Variants in RBFOX1 observed in about 807,000 individuals in gnomAD.
RBFOX1 encodes RNA binding protein fox-1 homolog 1.
Under a neutral mutation model 57.7 loss-of-function variants are expected in RBFOX1, and 8 were observed. The observed-to-expected ratio is 0.14, with a 90% CI of 0.08 to 0.25. The LOEUF is 0.25. Among genes scored for constraint, RBFOX1 ranks in the 10% least tolerant of loss-of-function variants. The pLI is 1.00. For synonymous variants in RBFOX1, 326 were observed against 222.4 expected (o/e 1.47, Z -4.15); for missense variants, 611 against 548.5 (o/e 1.11, Z -1.14).
chr16:7,172,715 G>C (rs183554589), intron 4 of RBFOX1, among the ~76,000 whole-genome samples: 17 of 152,300 alleles, frequency 1.1e-4, no homozygotes, highest in Admixed American at 9.8e-4. Flanking sequence ...GACACACAAT[G>C]ATGAGTTCAC....
chr16:7,069,989 G>T (rs900726083), intron 4 of RBFOX1, among the ~76,000 whole-genome samples: 1 of 152,160 alleles, frequency 6.6e-6, no homozygotes. Flanking sequence ...AAGGTTTTCT[G>T]ATCAGTGGAT....
chr16:5,250,666 C>T (rs1360949156), intron 1 of RBFOX1, among the ~76,000 whole-genome samples: 1 of 151,818 alleles, frequency 6.6e-6, no homozygotes, highest in Non-Finnish European at 1.5e-5. Context: ...GCTTTTCAGG[C>T]AGCGTGTCTT....
At chr16:6,912,345 A>C (rs1203620724) in intron 3 of RBFOX1, among the ~76,000 whole-genome samples, 1 of 152,126 alleles carries the variant, frequency 6.6e-6, no homozygotes, top group Non-Finnish European at 1.5e-5. Flanking sequence ...TTACACTTCT[A>C]GCAAGTTCCC....
chr16:5,903,863 CTTGG>C (rs1331918276), intron 4 of RBFOX1, among the ~76,000 whole-genome samples: 1 of 152,112 alleles, frequency 6.6e-6, no homozygotes, highest in Non-Finnish European at 1.5e-5. Context: ...ATGCGGGGGC[CTTGG>C]TTGGTGCAAG....
chr16:6,908,483 C>T (rs749408318), intron 3 of RBFOX1, among the ~76,000 whole-genome samples: 6 of 152,154 alleles, frequency 3.9e-5, no homozygotes, highest in Admixed American at 6.5e-5. Flanking sequence ...CATGCCCAAT[C>T]CTCTAGGAAG....
intron 2 of RBFOX1, among the ~76,000 whole-genome samples, chr16:6,432,445 G>A (rs2094125761): frequency 6.6e-6 from 1 of 151,874 alleles, no homozygotes; most frequent in African/African-American, 2.4e-5. Flanking sequence ...GGCAAGGCGG[G>A]CGGATCACCT....
At chr16:5,533,783 T>C (rs937992077) in intron 2 of RBFOX1, among the ~76,000 whole-genome samples, 2 of 152,118 alleles carry the variant, frequency 1.3e-5, no homozygotes, top group African/African-American at 2.4e-5. Flanking sequence ...TCCCTGAGTG[T>C]GATGTGGTCT....
At chr16:7,271,286 C>T (rs1001997973) in intron 4 of RBFOX1, among the ~76,000 whole-genome samples, 4 of 151,830 alleles carry the variant, frequency 2.6e-5, no homozygotes, top group African/African-American at 4.8e-5. Context: ...AGAACATTCA[C>T]AGGCATCTTC....
chr16:7,471,572 C>A (rs2061560869), intron 4 of RBFOX1, among the ~76,000 whole-genome samples: 1 of 152,248 alleles, frequency 6.6e-6, no homozygotes, highest in East Asian at 1.9e-4. Flanking sequence ...AAAATGAGTC[C>A]TGCTATTCCC....
At chr16:7,457,110 C>G (rs985896324) in intron 4 of RBFOX1, among the ~76,000 whole-genome samples, 4 of 151,984 alleles carry the variant, frequency 2.6e-5, no homozygotes, top group Non-Finnish European at 5.9e-5. Context: ...TGGTCTCGAA[C>G]TCCTGACCTC....
intron 1 of RBFOX1, among the ~76,000 whole-genome samples, chr16:5,424,951 C>T (rs12929533): frequency 0.074 from 5,872 of 79,574 alleles, 591 homozygotes; most frequent in Middle Eastern, 0.18. Flanking sequence ...CTTCTTTCTT[C>T]CTTTGTTTCT....
At chr16:7,297,870 G>A (rs929491939) in intron 4 of RBFOX1, among the ~76,000 whole-genome samples, 13 of 151,838 alleles carry the variant, frequency 8.6e-5, no homozygotes, top group Admixed American at 4.6e-4. Flanking sequence ...GCATTTATTG[G>A]ATTGATTTAT....
intron 3 of RBFOX1, among the ~76,000 whole-genome samples, chr16:6,767,521 TA>T (rs2077508183): frequency 6.6e-6 from 1 of 152,178 alleles, no homozygotes; most frequent in South Asian, 2.1e-4. Context: ...TGTTTTAATT[TA>T]AAACCTCACC....
At chr16:7,071,375 G>C (rs2057299068) in intron 4 of RBFOX1, among the ~76,000 whole-genome samples, 1 of 152,124 alleles carries the variant, frequency 6.6e-6, no homozygotes, top group Non-Finnish European at 1.5e-5. Flanking sequence ...TTAGGTGTTA[G>C]AAAAGCGCAG....
At chr16:6,268,696 G>T (rs751768743) in intron 1 of RBFOX1, among the ~76,000 whole-genome samples, 1 of 152,176 alleles carries the variant, frequency 6.6e-6, no homozygotes, top group East Asian at 1.9e-4. Context: ...AAAGAGTCAG[G>T]TGTTTGTTCT....
At chr16:6,884,581 A>C (rs1318552041) in intron 3 of RBFOX1, among the ~76,000 whole-genome samples, 1 of 152,166 alleles carries the variant, frequency 6.6e-6, no homozygotes, top group Non-Finnish European at 1.5e-5. Context: ...TATTACCCCC[A>C]TTTTGAAGAG....
intron 4 of RBFOX1, among the ~76,000 whole-genome samples, chr16:7,477,531 C>A (rs1209883233): frequency 5.3e-5 from 8 of 152,162 alleles, no homozygotes; most frequent in African/African-American, 1.4e-4. Flanking sequence ...CTGGCTGACT[C>A]CCCAAAGAGA....
At chr16:5,291,740 C>A (rs1401135014) in intron 1 of RBFOX1, among the ~76,000 whole-genome samples, 1 of 133,970 alleles carries the variant, frequency 7.5e-6, no homozygotes, top group African/African-American at 2.7e-5. Context: ...TGGAGGTGAT[C>A]GTGGCTTGGT....
At chr16:7,125,301 A>G (rs1000493841) in intron 4 of RBFOX1, among the ~76,000 whole-genome samples, 2 of 152,150 alleles carry the variant, frequency 1.3e-5, no homozygotes, top group Non-Finnish European at 2.9e-5. Flanking sequence ...TGCAGTGGGC[A>G]TAGAAATCCA....
Sources: gnomAD v4.1 joint callset for allele counts (sites outside exome capture counted in the v4.1 genomes callset) on GRCh38, gnomAD v4.1.1 for gene constraint, MANE v1.5 for transcripts, NCBI Gene and HGNC (gene_info 2026-07-23, HGNC 2026-07-21) for gene names.